Variants in GNAS observed in about 807,000 individuals in gnomAD.
The protein encoded by GNAS is GNAS complex locus.
GNAS carries 8 observed loss-of-function variants against 54.5 expected under a neutral mutation model. That is an observed-to-expected ratio of 0.15 (90% CI 0.09 to 0.26). The LOEUF (loss-of-function observed/expected upper bound fraction) is 0.26, where lower values mean the gene tolerates loss of function less well. Among genes scored for constraint, GNAS ranks in the 10% least tolerant of loss-of-function variants. The probability of loss-of-function intolerance (pLI) is 1.00; values close to 1 mark genes in which losing one functional copy is unlikely to be tolerated. For synonymous variants in GNAS, 204 were observed against 191.4 expected (o/e 1.07, Z -0.54); for missense variants, 170 against 529.8 (o/e 0.32, Z 6.67).
chr20:58,891,936 CG>C lies in GNAS; in HGVS notation c.139+72del, dbSNP rs2089415665. 3.1e-5 allele frequency: 28 copies of C among 902,110 alleles called. 2 individuals carry two copies. In the South Asian group the frequency reaches 1.3e-3, roughly 42 times the overall value. The allele number at this position is 902,110 out of a possible 1,614,324, so 55.9% of individuals were successfully genotyped here. On this transcript the variant is annotated intron_variant, in intron 1 of 12. Coordinates refer to ENST00000371085, the MANE Select transcript of GNAS (RefSeq NM_000516.7). ...AGGGCGCCCCGCAGGCCGCGCGCGC[CG>C]AGCCCGCCCCCCGCCCCGGGCGCGC...
intron 1 of GNAS, among the ~76,000 whole-genome samples, chr20:58,848,082 CCACCTGTGG>C (rs1057128389): frequency 2.6e-5 from 4 of 152,216 alleles, no homozygotes; most frequent in African/African-American, 9.7e-5. Context: ...CCACTGTTTG[CCACCTGTGG>C]CACCTGGGCC....
chr20:58,841,699 T>G lies in GNAS; in HGVS notation c.43+813T>G. 3.3e-6 allele frequency: 4 copies of G among 1,205,888 alleles called. No homozygotes were observed. Among genetic ancestry groups the G allele is most frequent in the Non-Finnish European group, 4.1e-6 (4 of 971,556 alleles). The allele number at this position is 1,205,888 out of a possible 1,614,324, so 74.7% of individuals were successfully genotyped here. On this transcript the variant is annotated intron_variant, in intron 1 of 12. Transcript: ENST00000306090. The surrounding 1 kb of genome is among the most constrained non-coding windows in gnomAD (Gnocchi z 5.0). ...AAAGGTAGAGGAGGTAAGGGGACCCTTGGGGATGCCCCTACGGGCTACCAG... is the reference window on the plus strand; with the variant it reads ...AAAGGTAGAGGAGGTAAGGGGACCCGTGGGGATGCCCCTACGGGCTACCAG...
At chr20:58,875,507 C>A (rs1160946645) in intron 1 of GNAS, among the ~76,000 whole-genome samples, 1 of 152,182 alleles carries the variant, frequency 6.6e-6, no homozygotes, top group Non-Finnish European at 1.5e-5. Flanking sequence ...TCACCCCCTC[C>A]CCACTTCTAG....
Position 58,840,951 on chromosome 20 carries a change from AG to A in GNAS, c.43+67del. ...TGTGGGAGCAGCGCAGGTGGAAAGG[AG>A]GTGAGAAGGAAAGGCAGGTCAGGGG... On this transcript the variant is annotated intron_variant, in intron 1 of 12. Coordinates refer to the GNAS transcript ENST00000306090. This position sits in a 1 kb window ranked among gnomAD's most constrained non-coding sequence, Gnocchi z 6.0. 1 of 1,549,778 alleles carries A rather than the reference AG, an allele frequency of 6.5e-7. No individual in the cohort carries two copies.
upstream of GNAS, among the ~76,000 whole-genome samples, chr20:58,889,709 C>G (rs1169087448): frequency 6.6e-6 from 1 of 151,248 alleles, no homozygotes; most frequent in Non-Finnish European, 1.5e-5. Flanking sequence ...GGCAGCCAGC[C>G]CAGCAGCCCG....
chr20:58,881,868 C>T, intron 1 of GNAS: 1 of 152,212 alleles, frequency 6.6e-6, no homozygotes, highest in East Asian at 1.9e-4. Flanking sequence ...GTGCCACTTT[C>T]TCTAATAATA....
intron 1 of GNAS, chr20:58,895,163 G>C (rs183540539): frequency 3.9e-6 from 1 of 258,240 alleles, no homozygotes; most frequent in Non-Finnish European, 7.6e-6. Flanking sequence ...TGGGAATCCC[G>C]GGTATTTTAA....
chr20:58,855,771 G>T, intron 1 of GNAS: 1 of 615,894 alleles, frequency 1.6e-6, no homozygotes, highest in South Asian at 2.0e-5. Context: ...CGGCTGCTTG[G>T]ACTCAGACAG....
chr20:58,876,295 A>G (rs1195831265), intron 1 of GNAS, among the ~76,000 whole-genome samples: 1 of 152,168 alleles, frequency 6.6e-6, no homozygotes, highest in Admixed American at 6.5e-5. Context: ...TAAGTAGGTG[A>G]CAGCTGGGAT....
upstream of GNAS, among the ~76,000 whole-genome samples, chr20:58,888,262 T>C (rs1160033955): frequency 2.0e-5 from 3 of 152,140 alleles, no homozygotes; most frequent in African/African-American, 7.2e-5. Context: ...TTAGCCTGAT[T>C]ACCTGGCCGC....
intron 3 of GNAS, among the ~76,000 whole-genome samples, chr20:58,900,969 G>A (rs1030371209): frequency 6.6e-6 from 1 of 152,108 alleles, no homozygotes; most frequent in Non-Finnish European, 1.5e-5. Flanking sequence ...ATTTTAAGAC[G>A]GGAAGTTTTC....
At position 58,863,257 on chromosome 20, in the gene GNAS, G is replaced by A. The variant is rs757882718; in HGVS notation, c.43+22371G>A. Among the ~76,000 whole-genome samples, 46 of 152,172 alleles carry A rather than the reference G, an allele frequency of 3.0e-4. No homozygotes were observed. The highest frequency in any genetic ancestry group is 5.7e-4 in the Non-Finnish European group (39 of 68,036). ...GGCAACTGATCTGTGACAGGGCAAT[G>A]GAAATTAAGGGAGTGTGCCTCTGTT... On this transcript the variant is annotated intron_variant, in intron 1 of 12. Coordinates refer to the GNAS transcript ENST00000306090. This position sits in a 1 kb window ranked among gnomAD's most constrained non-coding sequence, Gnocchi z 4.1.
chr20:58,855,669 G>A, intron 1 of GNAS: 1 of 687,168 alleles, frequency 1.5e-6, no homozygotes, highest in Non-Finnish European at 2.7e-6. Flanking sequence ...GCCGGGGAGG[G>A]GCCCCGGGGC....
intron 1 of GNAS, among the ~76,000 whole-genome samples, chr20:58,848,077 G>A (rs933135055): frequency 1.3e-5 from 2 of 152,202 alleles, no homozygotes; most frequent in African/African-American, 4.8e-5. Flanking sequence ...AAACGCCACT[G>A]TTTGCCACCT....
chr20:58,875,793 G>A (rs1028540704), intron 1 of GNAS, among the ~76,000 whole-genome samples: 10 of 152,142 alleles, frequency 6.6e-5, no homozygotes, highest in African/African-American at 1.7e-4. Flanking sequence ...TTTCTCCAGC[G>A]TCCACGGCTA....
chr20:58,864,029 G>C (rs879440252), intron 1 of GNAS: 1 of 152,070 alleles, frequency 6.6e-6, no homozygotes, highest in Non-Finnish European at 1.5e-5. Context: ...GTGTGTTAGC[G>C]AGTATCCATT....
intron 1 of GNAS, among the ~76,000 whole-genome samples, chr20:58,872,661 G>T (rs540432560): frequency 6.6e-6 from 1 of 152,054 alleles, no homozygotes; most frequent in South Asian, 2.1e-4. Flanking sequence ...ATTCTGTTCA[G>T]CAAGGAAAGG....
chr20:58,889,716 C>T (rs2088941805), upstream of GNAS, among the ~76,000 whole-genome samples: 1 of 151,284 alleles, frequency 6.6e-6, no homozygotes, highest in African/African-American at 2.4e-5. Context: ...AGCCCAGCAG[C>T]CCGAAGCCCG....
intron 1 of GNAS, among the ~76,000 whole-genome samples, chr20:58,843,089 ACT>A (rs2085800346): frequency 1.3e-5 from 2 of 152,116 alleles, no homozygotes; most frequent in Admixed American, 1.3e-4. Context: ...AGGAACACAC[ACT>A]GTCTTTCAGA....
Sources: allele counts gnomAD v4.1 joint callset (sites outside exome capture counted in the v4.1 genomes callset), GRCh38; gene constraint gnomAD v4.1.1; non-coding constraint Gnocchi (gnomAD v3.1); transcripts MANE v1.5; gene names NCBI Gene and HGNC (gene_info 2026-07-23, HGNC 2026-07-21).